LHFPL2: variants seen among roughly 807,000 people sequenced by gnomAD.
The protein encoded by LHFPL2 is LHFPL tetraspan subfamily member 2 protein.
LHFPL2 carries 7 observed loss-of-function variants against 17.5 expected under a neutral mutation model. That is an observed-to-expected ratio of 0.40 (90% confidence interval 0.23 to 0.75). LHFPL2 has a LOEUF of 0.75. LHFPL2 is among the 30% of genes least tolerant of loss of function. LHFPL2 has a pLI of 0.37. For missense variants in LHFPL2, 241 were observed against 294.8 expected (o/e 0.82, Z 1.34); for synonymous variants, 134 against 116.2 (o/e 1.15, Z -0.99).
intron 4 of LHFPL2, among the ~76,000 whole-genome samples, chr5:78,506,549 C>T (rs1580754207): frequency 6.6e-6 from 1 of 152,184 alleles, no homozygotes; most frequent in East Asian, 1.9e-4. Flanking sequence ...GATTGGCCAA[C>T]GGGAGAAAGC....
chr5:78,622,303 G>A (rs1222417258), intron 2 of LHFPL2, among the ~76,000 whole-genome samples: 1 of 152,178 alleles, frequency 6.6e-6, no homozygotes, highest in Non-Finnish European at 1.5e-5. Flanking sequence ...AGAAGGCACT[G>A]GATTACTCAA....
At chr5:78,607,253 C>A (rs1469185561) in intron 2 of LHFPL2, among the ~76,000 whole-genome samples, 6 of 151,894 alleles carry the variant, frequency 4.0e-5, no homozygotes, top group African/African-American at 1.5e-4. Flanking sequence ...GCTGGGATTA[C>A]AGGCACCCGC....
chr5:78,529,621 C>A (rs1005487501), intron 3 of LHFPL2, among the ~76,000 whole-genome samples: 1 of 148,998 alleles, frequency 6.7e-6, no homozygotes, highest in Non-Finnish European at 1.5e-5. Flanking sequence ...CCGGCCTGGG[C>A]GACAGAGCGA....
intron 1 of LHFPL2, among the ~76,000 whole-genome samples, chr5:78,642,580 G>C (rs1745708339): frequency 6.6e-6 from 1 of 152,142 alleles, no homozygotes; most frequent in African/African-American, 2.4e-5. Context: ...CCTAGCATCA[G>C]TTAGTAAACC....
At chr5:78,551,710 T>C (rs1457411398) in intron 3 of LHFPL2, among the ~76,000 whole-genome samples, 1 of 152,198 alleles carries the variant, frequency 6.6e-6, no homozygotes, top group Non-Finnish European at 1.5e-5. Context: ...AGAATCCCAC[T>C]TCCCCAAGGT....
chr5:78,492,792 G>T (rs529792946), intron 4 of LHFPL2, among the ~76,000 whole-genome samples: 4 of 152,222 alleles, frequency 2.6e-5, no homozygotes. Context: ...AATACAAAGC[G>T]GGTGAGGTAT....
At chr5:78,643,161 G>A (rs1280171913) in intron 1 of LHFPL2, among the ~76,000 whole-genome samples, 4 of 152,074 alleles carry the variant, frequency 2.6e-5, no homozygotes, top group South Asian at 4.1e-4. Context: ...CTTGACTCTA[G>A]TCCAACAACT....
intron 2 of LHFPL2, among the ~76,000 whole-genome samples, chr5:78,622,067 C>T (rs1220709727): frequency 6.6e-6 from 1 of 152,036 alleles, no homozygotes; most frequent in Non-Finnish European, 1.5e-5. Context: ...TCTAGAAGTC[C>T]CTTGATTCTA....
chr5:78,576,091 C>T (rs1029005730), intron 2 of LHFPL2, among the ~76,000 whole-genome samples: 6 of 152,076 alleles, frequency 3.9e-5, no homozygotes, highest in Non-Finnish European at 8.8e-5. Context: ...GTCAGGATAT[C>T]GAGACCATCC....
intron 3 of LHFPL2, among the ~76,000 whole-genome samples, chr5:78,523,601 C>T (rs768665559): frequency 1.1e-4 from 17 of 152,148 alleles, no homozygotes; most frequent in Non-Finnish European, 2.4e-4. Flanking sequence ...TCCTAGAAGG[C>T]AAGGGCGAGG....
intron 3 of LHFPL2, among the ~76,000 whole-genome samples, chr5:78,538,699 C>G (rs1256034795): frequency 6.6e-6 from 1 of 152,228 alleles, no homozygotes; most frequent in African/African-American, 2.4e-5. Context: ...TCCACTGACT[C>G]TGAAGGTGAG....
At chr5:78,573,559 G>A (rs1757056908) in intron 2 of LHFPL2, among the ~76,000 whole-genome samples, 6 of 152,212 alleles carry the variant, frequency 3.9e-5, no homozygotes, top group Admixed American at 3.9e-4. Flanking sequence ...AGGTATCTCT[G>A]CAGAGGGGGT....
Position 78,509,991 on chromosome 5 carries a change from G to A in LHFPL2, c.223C>T (p.His75Tyr), listed in dbSNP as rs1385038544. 6.2e-7 allele frequency: 1 copy of A among 1,613,642 alleles called. No individual in the cohort carries two copies. Among genetic ancestry groups the A allele is most frequent in the African/African-American group, 1.3e-5 (1 of 75,070 alleles). Residue 75 changes from histidine (H) to tyrosine (Y), a missense_variant, in exon 4 of 5, where the codon CAC becomes TAC. Coordinates refer to ENST00000380345, the MANE Select transcript of LHFPL2 (RefSeq NM_005779.3). Reference protein sequence around the residue: ...ARCIRNPGVQHFQRDTLCGPY... With the variant: ...ARCIRNPGVQYFQRDTLCGPY... Reference sequence around the variant, plus strand: ...CCGCACAGCGTGTCCCGCTGGAAGTGCTGCACCCCTGGGTTCCGGATGCAG... The same window carrying A: ...CCGCACAGCGTGTCCCGCTGGAAGTACTGCACCCCTGGGTTCCGGATGCAG...
At chr5:78,605,730 C>T (rs565851758) in intron 2 of LHFPL2, among the ~76,000 whole-genome samples, 2 of 152,328 alleles carry the variant, frequency 1.3e-5, no homozygotes, top group South Asian at 4.1e-4. Flanking sequence ...GAAGACACAA[C>T]AACCTGCAGA....
intron 3 of LHFPL2, among the ~76,000 whole-genome samples, chr5:78,529,637 C>T (rs1037025355): frequency 7.5e-5 from 10 of 133,398 alleles, no homozygotes; most frequent in African/African-American, 1.1e-4. Flanking sequence ...AGCGAGACTC[C>T]GTCTCAAAAA....
intron 3 of LHFPL2, among the ~76,000 whole-genome samples, chr5:78,511,595 T>C (rs976779178): frequency 1.3e-5 from 2 of 152,144 alleles, no homozygotes; most frequent in Admixed American, 1.3e-4. Flanking sequence ...CCCCCTGGCA[T>C]GTTGGGAGTG....
chr5:78,507,941 T>C (rs796893198), intron 4 of LHFPL2, among the ~76,000 whole-genome samples: 1 of 148,460 alleles, frequency 6.7e-6, no homozygotes, highest in Non-Finnish European at 1.5e-5. Flanking sequence ...TACACATGCA[T>C]ACACACACAC....
Position 78,523,134 on chromosome 5 carries a change from G to GTT in LHFPL2, c.-185-12737_-185-12736insAA, listed in dbSNP as rs1368253484. On this transcript the variant is annotated intron_variant, in intron 3 of 4. Coordinates refer to ENST00000380345, the MANE Select transcript of LHFPL2 (RefSeq NM_005779.3). ...GTGGTGTGTGTGTGTGTGTGTGTGTGTGTATTTCTGCAAGTAAAAATGGAA... is the reference window on the plus strand; with the variant it reads ...GTGGTGTGTGTGTGTGTGTGTGTGTGTTTGTATTTCTGCAAGTAAAAATGGAA... Among the ~76,000 whole-genome samples the GTT allele has an allele frequency of 2.7e-4, 40 of 150,588 alleles. 3 individuals carry two copies. In the East Asian group the frequency reaches 5.5e-3, roughly 21 times the overall value.
chr5:78,621,929 G>A (rs1744869753), intron 2 of LHFPL2, among the ~76,000 whole-genome samples: 1 of 151,984 alleles, frequency 6.6e-6, no homozygotes, highest in Non-Finnish European at 1.5e-5. Flanking sequence ...AAAGCAGCTG[G>A]CCACCAAGAA....
Sources: allele counts gnomAD v4.1 joint callset (sites outside exome capture counted in the v4.1 genomes callset), GRCh38; gene constraint gnomAD v4.1.1; transcripts MANE v1.5; gene names NCBI Gene and HGNC (gene_info 2026-07-23, HGNC 2026-07-21).